The following PCDHGB1 variants were observed in gnomAD, a reference collection of about 807,000 sequenced individuals.
The protein encoded by PCDHGB1 is protocadherin gamma-B1.
In PCDHGB1, 34 loss-of-function variants were observed where a neutral mutation model predicts 56.6. The ratio of observed to expected loss-of-function variants is 0.60; its 90% CI spans 0.46 to 0.80. The LOEUF (loss-of-function observed/expected upper bound fraction) is 0.80, where lower values mean the gene tolerates loss of function less well. Ranked by LOEUF, PCDHGB1 falls within the 30% of genes least tolerant of loss-of-function variation. The probability of loss-of-function intolerance (pLI) is 0.00; values close to 1 mark genes in which losing one functional copy is unlikely to be tolerated. For missense variants in PCDHGB1, 1,278 were observed against 1,204.6 expected (o/e 1.06, Z -0.90); for synonymous variants, 561 against 505.9 (o/e 1.11, Z -1.46).
intron 1 of PCDHGB1, chr5:141,410,849 C>CTTTTTTTTTTTTTTGTTTTTTTT (rs2095434772): frequency 7.7e-6 from 1 of 129,786 alleles, no homozygotes; most frequent in Admixed American, 1.1e-4. Flanking sequence ...TTGTCTTTGT[C>CTTTTTTTTTTTTTTGTTTTTTTT]TTTTTTTTTT....
At chr5:141,392,751 A>T in intron 1 of PCDHGB1, 1 of 1,453,336 alleles carries the variant, frequency 6.9e-7, no homozygotes, top group South Asian at 1.5e-5. Flanking sequence ...CTGCGGCAAG[A>T]AACTAAATAA....
chr5:141,385,604 C>T, intron 1 of PCDHGB1: 1 of 1,188,174 alleles, frequency 8.4e-7, no homozygotes, highest in Non-Finnish European at 1.1e-6. Flanking sequence ...TTTCTTAACT[C>T]ATATATTTTA....
At position 141,476,418 on chromosome 5, in the gene PCDHGB1, T is replaced by C. The variant is rs201255025; in HGVS notation, c.2410-18389T>C. On this transcript the variant is annotated intron_variant, in intron 1 of 3. Transcript: ENST00000523390. This position sits in a 1 kb window ranked among gnomAD's most constrained non-coding sequence, Gnocchi z 7.6. The stretch of plus-strand genomic sequence containing the variant: ...GATCGAGAGGAGCTGTGTGGGACAC[T>C]GCCCTCTTGCACTGTAACTCTGGAG... 6.2e-7 allele frequency: 1 copy of C among 1,614,122 alleles called. No individual in the cohort carries two copies. Among genetic ancestry groups the C allele is most frequent in the Non-Finnish European group, 8.5e-7 (1 of 1,180,002 alleles).
intron 1 of PCDHGB1, among the ~76,000 whole-genome samples, chr5:141,483,094 G>C (rs1304382782): frequency 6.6e-6 from 1 of 152,058 alleles, no homozygotes; most frequent in African/African-American, 2.4e-5. Context: ...CAAAAAAAAA[G>C]TGTGCGTGTA....
intron 1 of PCDHGB1, chr5:141,402,801 G>T (rs1218765657): frequency 1.2e-5 from 13 of 1,078,506 alleles, no homozygotes; most frequent in Non-Finnish European, 1.7e-5. Context: ...CACAAAACCC[G>T]GCAGATACCA....
In PCDHGB1 at chr5:141,394,672, G is replaced by A. The variant is rs1407775660; in HGVS notation, c.2409+42003G>A. 4 of 1,612,088 alleles carry A rather than the reference G, an allele frequency of 2.5e-6. No individual in the cohort carries two copies. In the African/African-American group the frequency reaches 5.4e-5, roughly 22 times the overall value. On this transcript the variant is annotated intron_variant, in intron 1 of 3. Transcript: ENST00000523390. Reference sequence around the variant, plus strand: ...AGCGAGCCGGGACTCTTCTCGGTGGGTCTGCACACGGGCGAGGTGCGCACG... The same window carrying A: ...AGCGAGCCGGGACTCTTCTCGGTGGATCTGCACACGGGCGAGGTGCGCACG...
chr5:141,441,627 G>C (rs1239011684), intron 1 of PCDHGB1: 1 of 223,512 alleles, frequency 4.5e-6, no homozygotes, highest in Non-Finnish European at 9.0e-6. Context: ...CAGTGACCTG[G>C]AGCCACAGGC....
At chr5:141,370,782 C>G in intron 1 of PCDHGB1, 1 of 1,613,988 alleles carries the variant, frequency 6.2e-7, no homozygotes, top group Non-Finnish European at 8.5e-7. Context: ...TAACGACAAC[C>G]CACCGACCTT....
Position 141,432,076 on chromosome 5 carries a change from G to T in PCDHGB1, c.2410-62731G>T. ...CCCTATCCACGGAAACTCATATCTC[G>T]CTGAACGTGGCAGACACCAACGACA... On this transcript the variant is annotated intron_variant, in intron 1 of 3. Transcript: ENST00000523390. This position sits in a 1 kb window ranked among gnomAD's most constrained non-coding sequence, Gnocchi z 6.0. 1.2e-6 allele frequency: 2 copies of T among 1,614,160 alleles called. No homozygotes were observed. Among genetic ancestry groups the T allele is most frequent in the Non-Finnish European group, 1.7e-6 (2 of 1,180,024 alleles).
chr5:141,364,993 A>C, intron 1 of PCDHGB1: 1 of 1,613,740 alleles, frequency 6.2e-7, no homozygotes, highest in Non-Finnish European at 8.5e-7. Context: ...GAGACCCGGT[A>C]CTCTCCGGCA....
At chr5:141,385,369 G>T in intron 1 of PCDHGB1, 1 of 1,532,174 alleles carries the variant, frequency 6.5e-7, no homozygotes, top group Admixed American at 2.2e-5. Context: ...TTATTTGCAT[G>T]ATATTTCTCT....
chr5:141,384,461 A>G, intron 1 of PCDHGB1: 1 of 1,614,078 alleles, frequency 6.2e-7, no homozygotes, highest in Non-Finnish European at 8.5e-7. Flanking sequence ...CAATCCTTTG[A>G]TTATGAGCAG....
chr5:141,453,848 C>T (rs1045684685), intron 1 of PCDHGB1, among the ~76,000 whole-genome samples: 38 of 152,290 alleles, frequency 2.5e-4, no homozygotes, highest in Non-Finnish European at 4.4e-4. Context: ...GTCCACAGAG[C>T]ACTTTGAAAA....
rs373591066 is a variant in PCDHGB1, at chr5:141,404,487, G to A, written c.2409+51818G>A. On this transcript the variant is annotated intron_variant, in intron 1 of 3. Transcript: ENST00000523390. The stretch of plus-strand genomic sequence containing the variant: ...TATGTCTCTATTAACTCAGACACTG[G>A]TGTGCTGTATGCTCTGTGCTCCTTT... 6.8e-6 allele frequency: 11 copies of A among 1,613,722 alleles called. No homozygotes were observed. Among genetic ancestry groups the A allele is most frequent in the Admixed American group, 1.7e-5 (1 of 60,008 alleles).
chr5:141,380,805 G>A (rs1776753449), intron 1 of PCDHGB1, among the ~76,000 whole-genome samples: 1 of 152,204 alleles, frequency 6.6e-6, no homozygotes, highest in Non-Finnish European at 1.5e-5. Context: ...AAACAAATGT[G>A]AGATGAAACT....
At chr5:141,366,054 T>C in intron 1 of PCDHGB1, 2 of 1,614,220 alleles carry the variant, frequency 1.2e-6, no homozygotes, top group Non-Finnish European at 1.7e-6. Flanking sequence ...TCCACGGGCG[T>C]GGAGCTGGCG....
chr5:141,405,037 G>C (rs756524085), intron 1 of PCDHGB1: 5 of 1,613,856 alleles, frequency 3.1e-6, no homozygotes, highest in Non-Finnish European at 4.2e-6. Flanking sequence ...ACCTCGTTGT[G>C]GCTGTGGCAG....
At chr5:141,388,686 G>A (rs1196254559) in intron 1 of PCDHGB1, 5 of 1,613,980 alleles carry the variant, frequency 3.1e-6, no homozygotes, top group Non-Finnish European at 4.2e-6. Context: ...GACTGCCACG[G>A]ACCAGGATGA....
At chr5:141,433,693 C>T (rs772152724) in intron 1 of PCDHGB1, among the ~76,000 whole-genome samples, 2 of 151,986 alleles carry the variant, frequency 1.3e-5, no homozygotes, top group Admixed American at 6.6e-5. Flanking sequence ...CAAAATTAGC[C>T]GGGCGTGGTG....
Sources: allele counts gnomAD v4.1 joint callset (sites outside exome capture counted in the v4.1 genomes callset), GRCh38; gene constraint gnomAD v4.1.1; non-coding constraint Gnocchi (gnomAD v3.1); transcripts MANE v1.5; gene names NCBI Gene and HGNC (gene_info 2026-07-23, HGNC 2026-07-21).